Variants in TSPEAR observed in about 807,000 individuals in gnomAD.
TSPEAR encodes the protein thrombospondin-type laminin G domain and EAR repeat-containing protein.
Under a neutral mutation model 71.6 loss-of-function variants are expected in TSPEAR, and 69 were observed. That is an observed-to-expected ratio of 0.96 (90% CI 0.79 to 1.18). TSPEAR has a LOEUF of 1.18. Among genes scored for constraint, TSPEAR ranks in the 50% most tolerant of loss-of-function variants. The probability of loss-of-function intolerance (pLI) is 0.00; values close to 1 mark genes in which losing one functional copy is unlikely to be tolerated. For synonymous variants in TSPEAR, 402 were observed against 387.2 expected, an observed-to-expected ratio of 1.04 and a Z score of -0.45; for missense variants, 971 against 894.9, an observed-to-expected ratio of 1.09 and a Z score of -1.09.
rs1555953327 is a variant in TSPEAR, at chr21:44,710,250, A to T, written c.82+1183T>A. 6.6e-6 allele frequency among the ~76,000 whole-genome samples: 1 copy of T among 152,216 alleles called. No homozygotes were observed. Among genetic ancestry groups the T allele is most frequent in the Non-Finnish European group, 1.5e-5 (1 of 68,036 alleles). ...TTGCAGAATCACCCAGTTCCAAGGC[A>T]GTCCCTGCGGGCAGGTGCAGCTGTG... On this transcript the variant is annotated intron_variant, in intron 1 of 11. Coordinates refer to ENST00000323084, the MANE Select transcript of TSPEAR (RefSeq NM_144991.3). This position sits in a 1 kb window ranked among gnomAD's most constrained non-coding sequence, Gnocchi z 4.6.
At chr21:44,657,966 A>AGCCACACGCCACCATGT in intron 1 of TSPEAR, 1 of 1,610,144 alleles carries the variant, frequency 6.2e-7, no homozygotes, top group Non-Finnish European at 8.5e-7. Flanking sequence ...GTACCAGCCC[A>AGCCACACGCCACCATGT]GCCACACGCC....
rs782050933 is a variant in TSPEAR at position 44,558,767 on chromosome 21, G to A, written c.303+9018C>T. 3.2e-6 allele frequency: 5 copies of A among 1,559,920 alleles called. No individual in the cohort carries two copies. In the Admixed American group the frequency reaches 5.4e-5, roughly 17 times the overall value. On this transcript the variant is annotated intron_variant, in intron 2 of 11. Coordinates refer to ENST00000323084, the MANE Select transcript of TSPEAR (RefSeq NM_144991.3). Reference sequence around the variant, plus strand: ...GGGAGACGTGAGTGAGTGAGTGTGGGAGTGAGTGAGGGAGTGAGTGAGTGA... The same window carrying A: ...GGGAGACGTGAGTGAGTGAGTGTGGAAGTGAGTGAGGGAGTGAGTGAGTGA...
At chr21:44,540,341 A>T in intron 2 of TSPEAR, 1 of 916,248 alleles carries the variant, frequency 1.1e-6, no homozygotes, top group Non-Finnish European at 1.6e-6. Flanking sequence ...GGCGTGTGTC[A>T]TGACTAGGGA....
intron 1 of TSPEAR, among the ~76,000 whole-genome samples, chr21:44,609,874 AG>A (rs34800227): frequency 2.0e-5 from 3 of 152,208 alleles, no homozygotes; most frequent in Admixed American, 6.5e-5. Context: ...GAGGATGGGA[AG>A]GGGGAACTTT....
At chr21:44,592,419 AG>A (rs1185482542) in intron 1 of TSPEAR, 25 of 1,608,160 alleles carry the variant, frequency 1.6e-5, no homozygotes, top group Non-Finnish European at 2.0e-5. Context: ...CACAGGAACC[AG>A]GAAGGCAGAC....
chr21:44,533,558 C>T, intron 3 of TSPEAR, 127 bp downstream of exon 3: 1 of 809,468 alleles, frequency 1.2e-6, no homozygotes. Context: ...CCCATGGCTC[C>T]TGACCCTGGT....
intron 1 of TSPEAR, among the ~76,000 whole-genome samples, chr21:44,679,348 A>T (rs1986470850): frequency 6.6e-6 from 1 of 152,232 alleles, no homozygotes; most frequent in South Asian, 2.1e-4. Flanking sequence ...CAAGGATGTG[A>T]AAGACCTCTG....
intron 10 of TSPEAR, chr21:44,507,959 T>A (rs587720751): frequency 2.0e-5 from 3 of 152,344 alleles, no homozygotes; most frequent in African/African-American, 7.2e-5. Context: ...TTTTCTTTAT[T>A]ATGAGTGTTC....
chr21:44,579,365 T>C (rs191084053), intron 1 of TSPEAR: 66 of 263,078 alleles, frequency 2.5e-4, no homozygotes, highest in African/African-American at 1.1e-3. Context: ...GACTTCTAGG[T>C]TAAGTCACTC....
intron 1 of TSPEAR, among the ~76,000 whole-genome samples, chr21:44,578,609 C>A (rs1978626654): frequency 6.6e-6 from 1 of 152,198 alleles, no homozygotes; most frequent in African/African-American, 2.4e-5. Context: ...GCCATGGACA[C>A]AGACTCCTGG....
At chr21:44,702,150 T>C (rs1987679282) in intron 1 of TSPEAR, 3 of 1,329,884 alleles carry the variant, frequency 2.3e-6, no homozygotes, top group African/African-American at 1.4e-5. Context: ...GGGTGGAGAC[T>C]GAAGCGATGG....
At chr21:44,534,761 A>G (rs2053058939) in intron 2 of TSPEAR, among the ~76,000 whole-genome samples, 1 of 152,206 alleles carries the variant, frequency 6.6e-6, no homozygotes, top group Non-Finnish European at 1.5e-5. Flanking sequence ...AGAACGACCA[A>G]ATGATTCAGC....
intron 2 of TSPEAR, among the ~76,000 whole-genome samples, chr21:44,547,753 C>T (rs1188604375): frequency 3.3e-5 from 5 of 152,110 alleles, no homozygotes; most frequent in Admixed American, 2.6e-4. Flanking sequence ...GGGGAGTTTG[C>T]GACTCTGCCT....
At chr21:44,674,864 C>G (rs1479216291) in intron 1 of TSPEAR, among the ~76,000 whole-genome samples, 4 of 144,736 alleles carry the variant, frequency 2.8e-5, no homozygotes, top group African/African-American at 1.0e-4. Context: ...CACAACCTAC[C>G]AAGATTGAAT....
chr21:44,499,702 T>A lies in TSPEAR; in HGVS notation c.*81A>T. 2 of 1,425,146 alleles carry A rather than the reference T, an allele frequency of 1.4e-6. 1 individual carries two copies. The allele number at this position is 1,425,146 out of a possible 1,614,324, so 88.3% of individuals were successfully genotyped here. On this transcript the variant is annotated 3_prime_UTR_variant, in exon 12 of 12. Coordinates refer to ENST00000323084, the MANE Select transcript of TSPEAR (RefSeq NM_144991.3). ...CGGGATGCCCTAGGCTGGGCCCACC[T>A]GGACGTCCAGGGTCAGTTGGGGGAG...
chr21:44,594,840 T>TTTTTTTA (rs1980253615), intron 1 of TSPEAR, among the ~76,000 whole-genome samples: 1 of 148,700 alleles, frequency 6.7e-6, no homozygotes, highest in African/African-American at 2.6e-5. Flanking sequence ...TTTTTTTTTT[T>TTTTTTTA]GAGATGCAGT....
intron 1 of TSPEAR, among the ~76,000 whole-genome samples, chr21:44,686,915 G>A (rs1986886964): frequency 2.6e-5 from 4 of 152,206 alleles, no homozygotes; most frequent in Admixed American, 6.5e-5. Context: ...GTCAGCATGG[G>A]GTTCTGTCCT....
chr21:44,509,692 A>G (rs1438190058), intron 9 of TSPEAR: 1 of 358,442 alleles, frequency 2.8e-6, no homozygotes, highest in Non-Finnish European at 5.2e-6. Context: ...CAGGTGCCAG[A>G]CGTGGCACTC....
At chr21:44,591,409 G>A in intron 1 of TSPEAR, 1 of 1,611,208 alleles carries the variant, frequency 6.2e-7, no homozygotes, top group East Asian at 2.2e-5. Context: ...CTTCTGGCCA[G>A]AGCAGAGGCT....
Sources: allele counts gnomAD v4.1 joint callset (sites outside exome capture counted in the v4.1 genomes callset), GRCh38; gene constraint gnomAD v4.1.1; non-coding constraint Gnocchi (gnomAD v3.1); transcripts MANE v1.5; gene names NCBI Gene and HGNC (gene_info 2026-07-23, HGNC 2026-07-21).